Variants in MYOM2 observed in about 807,000 individuals in gnomAD.
The protein encoded by MYOM2 is myomesin-2.
Under a neutral mutation model 187.6 loss-of-function variants are expected in MYOM2, and 254 were observed. The ratio of observed to expected loss-of-function variants is 1.35; its 90% CI spans 1.22 to 1.50. The LOEUF is 1.50. Ranked by LOEUF, MYOM2 falls within the 40% of genes most tolerant of loss-of-function variation. The pLI is 0.00. For synonymous variants in MYOM2, 981 were observed against 753.8 expected (o/e 1.30, Z -4.94); for missense variants, 2,796 against 1,924.0 (o/e 1.45, Z -8.48).
At chr8:2,099,144 T>C (rs1338352330) in intron 19 of MYOM2, among the ~76,000 whole-genome samples, 161 bp downstream of exon 19, 2 of 152,222 alleles carry the variant, frequency 1.3e-5, no homozygotes, top group African/African-American at 2.4e-5. Context: ...TGCAGGGCTG[T>C]GAATCAGGCA....
chr8:2,103,540 T>C (rs542642337), intron 21 of MYOM2, among the ~76,000 whole-genome samples: 1 of 151,228 alleles, frequency 6.6e-6, no homozygotes, highest in South Asian at 2.1e-4. Flanking sequence ...TATATGTGTA[T>C]GTATGGATGG....
At chr8:2,064,789 T>G (rs1446179885) in intron 6 of MYOM2, among the ~76,000 whole-genome samples, 34 of 152,092 alleles carry the variant, frequency 2.2e-4, no homozygotes. Context: ...ATCCCCCTCC[T>G]CCTTCTCCTC....
At chr8:2,061,158 G>T (rs1387297119) in intron 6 of MYOM2, among the ~76,000 whole-genome samples, 3 of 151,986 alleles carry the variant, frequency 2.0e-5, no homozygotes, top group Non-Finnish European at 4.4e-5. Context: ...GAAGAGGGTT[G>T]AAAGGAGCTG....
chr8:2,099,101 C>A, intron 19 of MYOM2, 118 bp downstream of exon 19: 1 of 1,331,272 alleles, frequency 7.5e-7, no homozygotes, highest in Non-Finnish European at 1.0e-6. Flanking sequence ...CTCCGACACC[C>A]GCAGCCGCAG....
Position 2,073,464 on chromosome 8 carries a change from G to A in MYOM2, c.1084G>A (p.Gly362Ser), listed in dbSNP as rs775194236. Residue 362 changes from glycine to serine, a missense_variant, in exon 10 of 37, where the codon GGC (glycine) becomes AGC (serine). Physicochemically the swap from Gly to Ser is moderately conservative, Grantham distance 56 (BLOSUM62 0). Transcript: ENST00000262113. ...CACCCTGCGCATCGTGTCTCGGGGC[G>A]GCGTCAGCGACCACAGCGCCTTCCT... ...LYTLRIVSRG[G>S]VSDHSAFLFV... 1.1e-5 allele frequency: 17 copies of A among 1,609,228 alleles called. No individual in the cohort carries two copies. Among genetic ancestry groups the A allele is most frequent in the African/African-American group, 2.7e-5 (2 of 74,884 alleles).
At chr8:2,112,534 G>C (rs1797102407) in intron 25 of MYOM2, among the ~76,000 whole-genome samples, 1 of 152,112 alleles carries the variant, frequency 6.6e-6, no homozygotes, top group Admixed American at 6.5e-5. Context: ...CTGTTTGCCT[G>C]AGTGATCTTA....
intron 19 of MYOM2, among the ~76,000 whole-genome samples, chr8:2,100,195 TGCC>T (rs1796659103): frequency 2.7e-5 from 4 of 149,270 alleles, no homozygotes; most frequent in African/African-American, 7.4e-5. Context: ...CTTCCCTCCC[TGCC>T]TCCCGCCTTC....
At position 2,111,811 on chromosome 8, in the gene MYOM2, A is replaced by C. The variant is rs115419991; in HGVS notation, c.3180+2280A>C. ...TCATGCCTTCTCATTCATTTCTGTC[A>C]CTTTCTATCATTGTAGATGTACCAA... is the stretch of plus-strand genomic sequence containing the variant. On this transcript the variant is annotated intron_variant, in intron 25 of 36. Coordinates refer to ENST00000262113, the MANE Select transcript of MYOM2 (RefSeq NM_003970.4). Among the ~76,000 whole-genome samples, 892 of 152,320 alleles carry C rather than the reference A, an allele frequency of 5.9e-3. 6 individuals are homozygous for C. Among genetic ancestry groups the C allele is most frequent in the African/African-American group, 0.021 (861 of 41,574 alleles).
intron 31 of MYOM2, among the ~76,000 whole-genome samples, chr8:2,128,120 T>G (rs1797720626): frequency 6.6e-6 from 1 of 152,220 alleles, no homozygotes; most frequent in African/African-American, 2.4e-5. Context: ...ATATCATGGT[T>G]TAAGCTCTTT....
intron 13 of MYOM2, 84 bp downstream of exon 13, chr8:2,079,697 G>A (rs954954239): frequency 4.3e-5 from 60 of 1,397,124 alleles, no homozygotes; most frequent in Non-Finnish European, 5.9e-5. Context: ...GACAGAGAAC[G>A]CCCCCTACTG....
chr8:2,095,331 G>C (rs1042306076), intron 17 of MYOM2, among the ~76,000 whole-genome samples: 1 of 140,460 alleles, frequency 7.1e-6, no homozygotes, highest in Non-Finnish European at 1.5e-5. Context: ...TCGCTCTGTT[G>C]CTCAGGCTGG....
chr8:2,073,344 C>G lies in MYOM2; in HGVS notation c.964C>G (p.Leu322Val). ...PRAEWYRDDV[L>V]LKESKWTKMF... The stretch of plus-strand genomic sequence containing the variant: ...CCGTGTTAACGCTCTTTCAGACGTG[C>G]TGTTGAAAGAGTCCAAGTGGACGAA... Residue 322 changes from leucine to valine, a missense_variant, in exon 10 of 37, where the codon CTG becomes GTG. By Grantham distance (32) the Leu-to-Val change is conservative. Coordinates refer to ENST00000262113, the MANE Select transcript of MYOM2 (RefSeq NM_003970.4). 1 of 1,604,500 alleles carries G rather than the reference C, an allele frequency of 6.2e-7. No homozygotes were observed. The highest frequency in any genetic ancestry group is 8.5e-7 in the Non-Finnish European group (1 of 1,174,702).
chr8:2,046,115 C>G (rs1022433803), intron 1 of MYOM2, among the ~76,000 whole-genome samples: 8 of 152,198 alleles, frequency 5.3e-5, no homozygotes, highest in African/African-American at 1.2e-4. Flanking sequence ...CCTTTCCCCT[C>G]TAGAAAGCTT....
At position 2,100,967 on chromosome 8, in the gene MYOM2, T is replaced by G; in HGVS notation, c.2532T>G (p.Val844=). 6.2e-7 allele frequency: 1 copy of G among 1,614,192 alleles called. No homozygotes were observed. The highest frequency in any genetic ancestry group is 8.5e-7 in the Non-Finnish European group (1 of 1,180,028). The part of the protein sequence containing the change: ...KAPVYSGSSP[V]SGYFVDFREE... ...CTGTGTACTCCGGCAGCAGCCCTGT[T>G]TCTGGATATTTCGTGGACTTCAGGG... Residue 844 remains valine (V), a synonymous_variant, in exon 20 of 37, where the codon GTT becomes GTG. Transcript: ENST00000262113.
Position 2,115,922 on chromosome 8 carries a change from C to T in MYOM2, c.3181-38C>T, listed in dbSNP as rs559201422. 6.1e-5 allele frequency: 97 copies of T among 1,597,278 alleles called. 2 individuals are homozygous for T. The South Asian group carries it at 1.0e-3, about 16-fold the overall frequency. On this transcript the variant is annotated intron_variant, in intron 25 of 36. Coordinates refer to ENST00000262113, the MANE Select transcript of MYOM2 (RefSeq NM_003970.4). ...TGCAAGGGAAAACTAGGAGAGATTT[C>T]CTTGTATAATTCTCCATTTCCCTTG...
chr8:2,124,910 A>G (rs531752601), intron 31 of MYOM2, among the ~76,000 whole-genome samples: 4 of 152,114 alleles, frequency 2.6e-5, no homozygotes, highest in Non-Finnish European at 5.9e-5. Flanking sequence ...ATATCTGTTC[A>G]GATCCTTTGC....
chr8:2,136,262 G>A (rs978762148), intron 32 of MYOM2, among the ~76,000 whole-genome samples: 4 of 152,210 alleles, frequency 2.6e-5, no homozygotes, highest in African/African-American at 9.6e-5. Context: ...TAGCGTCCCA[G>A]CTGCAGGCTG....
At chr8:2,133,398 A>G (rs1180148683) in intron 32 of MYOM2, among the ~76,000 whole-genome samples, 1 of 152,172 alleles carries the variant, frequency 6.6e-6, no homozygotes, top group Non-Finnish European at 1.5e-5. Flanking sequence ...AGCGCTATTG[A>G]AACCTTCAGT....
intron 19 of MYOM2, among the ~76,000 whole-genome samples, chr8:2,100,186 T>TTCCTTCCTTCCC (rs1796658041): frequency 3.4e-5 from 5 of 145,392 alleles, no homozygotes; most frequent in Non-Finnish European, 6.1e-5. Flanking sequence ...CCTTCCTTCC[T>TTCCTTCCTTCCC]TCCCTCCCTG....
Sources: allele counts gnomAD v4.1 joint callset (sites outside exome capture counted in the v4.1 genomes callset), GRCh38; gene constraint gnomAD v4.1.1; transcripts MANE v1.5; gene names NCBI Gene and HGNC (gene_info 2026-07-23, HGNC 2026-07-21).